OSBPL3: variants seen among roughly 807,000 people sequenced by gnomAD.
OSBPL3 encodes the protein oxysterol-binding protein-related protein 3.
Under a neutral mutation model 120.1 loss-of-function variants are expected in OSBPL3, and 65 were observed. The observed-to-expected ratio is 0.54, with a 90% CI of 0.44 to 0.67. The LOEUF is 0.67. Among genes scored for constraint, OSBPL3 ranks in the 30% least tolerant of loss-of-function variants. The pLI is 0.00. For missense variants in OSBPL3, 1,004 were observed against 1,082.1 expected, an observed-to-expected ratio of 0.93 and a Z score of 1.01; for synonymous variants, 416 against 402.6, an observed-to-expected ratio of 1.03 and a Z score of -0.40.
chr7:24,952,948 C>A lies in OSBPL3; in HGVS notation c.-150+26938G>T, dbSNP rs375436896. The stretch of plus-strand genomic sequence containing the variant: ...CCCAGGAGTTCAAGACCAGCCTGGG[C>A]AACACAGCAAGACACTGTCTCTACA... On this transcript the variant is annotated intron_variant, in intron 1 of 22. Coordinates refer to ENST00000313367, the MANE Select transcript of OSBPL3 (RefSeq NM_015550.4). The surrounding 1 kb of genome is among the most constrained non-coding windows in gnomAD (Gnocchi z 4.4). Among the ~76,000 whole-genome samples the A allele has an allele frequency of 7.2e-5, 11 of 152,052 alleles. No homozygotes were observed. The East Asian group carries it at 1.2e-3, about 16-fold the overall frequency.
rs1297311024 is a variant in OSBPL3 at position 24,882,308 on chromosome 7, C to T, written c.96+10069G>A. Among the ~76,000 whole-genome samples, 37 of 150,914 alleles carry T rather than the reference C, an allele frequency of 2.5e-4. 1 individual carries two copies. The Admixed American group carries it at 2.5e-3, about 10-fold the overall frequency. On this transcript the variant is annotated intron_variant, in intron 2 of 22. Coordinates refer to ENST00000313367, the MANE Select transcript of OSBPL3 (RefSeq NM_015550.4). ...TCTAGATCATTCCACTCTCTATGTC[C>T]ACCTGAATACATTTTTTAGCACTCA...
chr7:24,941,065 T>G (rs1194307469), intron 1 of OSBPL3, among the ~76,000 whole-genome samples: 1 of 152,172 alleles, frequency 6.6e-6, no homozygotes, highest in Admixed American at 6.5e-5. Context: ...GTGATCCACC[T>G]GCCTTGGCCT....
intron 1 of OSBPL3, among the ~76,000 whole-genome samples, chr7:24,892,913 C>A (rs1407129932): frequency 6.6e-6 from 1 of 152,164 alleles, no homozygotes; most frequent in Non-Finnish European, 1.5e-5. Context: ...CACAGTAAGA[C>A]ACTACTTCAC....
rs142783379 is a variant in OSBPL3, at chr7:24,809,592, G to A, written c.2317+215C>T. On this transcript the variant is annotated intron_variant, in intron 20 of 22. Coordinates refer to ENST00000313367, the MANE Select transcript of OSBPL3 (RefSeq NM_015550.4). ...ATGCTTGTTCTGGGGTTAAGAACCCGGGACCCAGCAGCCCAGCAGAGGTGT... is the reference window on the plus strand; with the variant it reads ...ATGCTTGTTCTGGGGTTAAGAACCCAGGACCCAGCAGCCCAGCAGAGGTGT... Among the ~76,000 whole-genome samples the A allele has an allele frequency of 3.3e-5, 5 of 152,222 alleles. 1 individual carries two copies. Among genetic ancestry groups the A allele is most frequent in the South Asian group, 2.1e-4 (1 of 4,812 alleles).
chr7:24,855,058 G>C lies in OSBPL3; in HGVS notation c.1028-2424C>G, dbSNP rs1364618993. ...CTTGTAAATAACTGCACACAGGGTA[G>C]AAATTCTAGGAATGAGGGGTTGGCC... On this transcript the variant is annotated intron_variant, in intron 10 of 22. Coordinates refer to ENST00000313367, the MANE Select transcript of OSBPL3 (RefSeq NM_015550.4). The surrounding 1 kb of genome is among the most constrained non-coding windows in gnomAD (Gnocchi z 4.3). 1.3e-5 allele frequency among the ~76,000 whole-genome samples: 2 copies of C among 152,156 alleles called. No individual in the cohort carries two copies. Among genetic ancestry groups the C allele is most frequent in the Admixed American group, 1.3e-4 (2 of 15,276 alleles).
chr7:24,860,594 A>G (rs1800390159), intron 10 of OSBPL3, among the ~76,000 whole-genome samples: 1 of 152,232 alleles, frequency 6.6e-6, no homozygotes, highest in Non-Finnish European at 1.5e-5. Context: ...CTGTGAGTCC[A>G]TTAAACCTCT....
intron 1 of OSBPL3, among the ~76,000 whole-genome samples, chr7:24,949,045 C>T (rs1245175952): frequency 6.6e-6 from 1 of 152,170 alleles, no homozygotes; most frequent in African/African-American, 2.4e-5. Flanking sequence ...CTGTGTCACA[C>T]CAGGCGTATC....
In OSBPL3 at chr7:24,947,744, T is replaced by A. The variant is rs1217781925; in HGVS notation, c.-150+32142A>T. 6.6e-6 allele frequency among the ~76,000 whole-genome samples: 1 copy of A among 150,468 alleles called. No homozygotes were observed. ...AATCTGAACACAAGTAATATATGCATGTGTATATATGTATACATACATATC... is the reference window on the plus strand; with the variant it reads ...AATCTGAACACAAGTAATATATGCAAGTGTATATATGTATACATACATATC... On this transcript the variant is annotated intron_variant, in intron 1 of 22. Transcript: ENST00000313367. The surrounding 1 kb of genome is among the most constrained non-coding windows in gnomAD (Gnocchi z 4.4).
At chr7:24,832,642 A>C (rs954714399) in intron 15 of OSBPL3, among the ~76,000 whole-genome samples, 9 of 152,152 alleles carry the variant, frequency 5.9e-5, no homozygotes, top group African/African-American at 2.2e-4. Context: ...TGACCTGTGA[A>C]ACAGTACAGC....
Position 24,939,102 on chromosome 7 carries a change from G to A in OSBPL3, c.-150+40784C>T, listed in dbSNP as rs926158581. On this transcript the variant is annotated intron_variant, in intron 1 of 22. Coordinates refer to ENST00000313367, the MANE Select transcript of OSBPL3 (RefSeq NM_015550.4). This position sits in a 1 kb window ranked among gnomAD's most constrained non-coding sequence, Gnocchi z 4.2. ...AATCAGCACTGAGCAAGAAGAGATG[G>A]TGAGGTAAGTATCCCAGGAAATGCA... is the stretch of plus-strand genomic sequence containing the variant. Among the ~76,000 whole-genome samples the A allele has an allele frequency of 1.3e-5, 2 of 152,126 alleles. No homozygotes were observed. The highest frequency in any genetic ancestry group is 4.8e-5 in the African/African-American group (2 of 41,414).
Position 24,821,223 on chromosome 7 carries a change from A to G in OSBPL3, c.1885-985T>C, listed in dbSNP as rs1365653318. 1.3e-5 allele frequency among the ~76,000 whole-genome samples: 2 copies of G among 152,254 alleles called. No individual in the cohort carries two copies. Among genetic ancestry groups the G allele is most frequent in the Non-Finnish European group, 2.9e-5 (2 of 68,038 alleles). ...AAGCCTGCACCTTATAAACGAAGAG[A>G]CTGAAACCAGAAAGATAAAGTAACA... On this transcript the variant is annotated intron_variant, in intron 16 of 22. Transcript: ENST00000313367. The surrounding 1 kb of genome is among the most constrained non-coding windows in gnomAD (Gnocchi z 5.5).
At chr7:24,949,228 C>CA (rs1408560301) in intron 1 of OSBPL3, among the ~76,000 whole-genome samples, 1 of 152,166 alleles carries the variant, frequency 6.6e-6, no homozygotes, top group Non-Finnish European at 1.5e-5. Flanking sequence ...GACATCTTTC[C>CA]ATAATATGAC....
At chr7:24,909,795 T>C (rs1434433837) in intron 1 of OSBPL3, among the ~76,000 whole-genome samples, 21 of 140,566 alleles carry the variant, frequency 1.5e-4, no homozygotes, top group African/African-American at 4.8e-4. Context: ...TTTTTTTTTT[T>C]TTTTTTTTTT....
intron 22 of OSBPL3, among the ~76,000 whole-genome samples, chr7:24,801,243 CA>C (rs397976980): frequency 0.034 from 2,502 of 73,858 alleles, 49 homozygotes; most frequent in African/African-American, 0.11. Context: ...GACTCCTTCT[CA>C]AAAAAAAAAA....
At position 24,891,687 on chromosome 7, in the gene OSBPL3, AAGATTTATT is replaced by A. The variant is rs1411859662; in HGVS notation, c.96+681_96+689del. 1.3e-5 allele frequency among the ~76,000 whole-genome samples: 2 copies of A among 152,230 alleles called. No individual in the cohort carries two copies. The highest frequency in any genetic ancestry group is 4.8e-5 in the African/African-American group (2 of 41,462). On this transcript the variant is annotated intron_variant, in intron 2 of 22. Transcript: ENST00000313367. This position sits in a 1 kb window ranked among gnomAD's most constrained non-coding sequence, Gnocchi z 4.1. ...CTAAAACCAGCAAATTCTGCCAACAAAGATTTATTAGAAAGGAAACCAAGAAACAATATA... is the reference window on the plus strand; with the variant it reads ...CTAAAACCAGCAAATTCTGCCAACAAAGAAAGGAAACCAAGAAACAATATA...
chr7:24,960,255 T>A (rs537052863), intron 1 of OSBPL3, among the ~76,000 whole-genome samples: 4 of 152,122 alleles, frequency 2.6e-5, no homozygotes, highest in Non-Finnish European at 5.9e-5. Flanking sequence ...CACAGATCCT[T>A]CCACCTCATT....
chr7:24,845,384 T>TAAAAAAAAAAAAAAA (rs34559902), intron 12 of OSBPL3, among the ~76,000 whole-genome samples: 25 of 62,256 alleles, frequency 4.0e-4, no homozygotes, highest in Admixed American at 7.9e-4. Context: ...GCAAAATAAG[T>TAAAAAAAAAAAAAAA]AAAAAAAAAA....
intron 1 of OSBPL3, among the ~76,000 whole-genome samples, chr7:24,897,246 G>A (rs1806279805): frequency 6.6e-6 from 1 of 151,694 alleles, no homozygotes; most frequent in African/African-American, 2.4e-5. Flanking sequence ...CTGGCTTCCT[G>A]AAAGTGGCAG....
intron 1 of OSBPL3, among the ~76,000 whole-genome samples, chr7:24,911,058 T>C (rs1267216701): frequency 6.6e-6 from 1 of 152,242 alleles, no homozygotes; most frequent in Non-Finnish European, 1.5e-5. Flanking sequence ...AACATAATCT[T>C]GCATCCAGAA....
Sources: allele counts gnomAD v4.1 joint callset (sites outside exome capture counted in the v4.1 genomes callset), GRCh38; gene constraint gnomAD v4.1.1; non-coding constraint Gnocchi (gnomAD v3.1); transcripts MANE v1.5; gene names NCBI Gene and HGNC (gene_info 2026-07-23, HGNC 2026-07-21).